Variants in RUNX1T1 observed in about 807,000 individuals in gnomAD.
RUNX1T1 encodes the protein RUNX1 partner transcriptional co-repressor 1.
RUNX1T1 carries 4 observed loss-of-function variants against 62.8 expected under a neutral mutation model. The observed-to-expected ratio is 0.06, with a 90% CI of 0.03 to 0.15. The LOEUF is 0.15. Among genes scored for constraint, RUNX1T1 ranks in the 10% least tolerant of loss-of-function variants. The pLI, the probability that RUNX1T1 is intolerant of heterozygous loss-of-function variation, is 1.00. For synonymous variants in RUNX1T1, 291 were observed against 286.0 expected (o/e 1.02, Z -0.18); for missense variants, 508 against 754.3 (o/e 0.67, Z 3.82).
intron 1 of RUNX1T1, among the ~76,000 whole-genome samples, chr8:92,092,772 A>C (rs1004433097): frequency 3.3e-5 from 5 of 152,242 alleles, no homozygotes; most frequent in African/African-American, 1.2e-4. Flanking sequence ...TTAATTGCAT[A>C]CTACCATTTA....
intron 1 of RUNX1T1, among the ~76,000 whole-genome samples, chr8:92,024,525 C>CAAAAAAAAA (rs1824776794): frequency 1.2e-5 from 1 of 86,800 alleles, no homozygotes; most frequent in Non-Finnish European, 2.4e-5. Flanking sequence ...AAAAAAAAAG[C>CAAAAAAAAA]AACCCTGGCA....
chr8:91,956,986 T>G (rs1338113472), downstream of RUNX1T1: 1 of 202,372 alleles, frequency 4.9e-6, no homozygotes, highest in Non-Finnish European at 1.0e-5. Flanking sequence ...AAAAAAAAAT[T>G]TAAGAAAAAA....
At chr8:92,014,864 G>A (rs765907336) in intron 2 of RUNX1T1, 44 bp from the exon 4 acceptor site, 6 of 1,526,114 alleles carry the variant, frequency 3.9e-6, no homozygotes, top group Admixed American at 2.2e-5. Flanking sequence ...AACTTACAGA[G>A]AACATGCATG....
chr8:92,028,201 T>G (rs1825615930), intron 1 of RUNX1T1, among the ~76,000 whole-genome samples: 1 of 151,838 alleles, frequency 6.6e-6, no homozygotes, highest in Admixed American at 6.6e-5. Flanking sequence ...TAATTCTTTT[T>G]TTTTTTTTTT....
At chr8:92,021,493 G>C (rs746897366) in intron 1 of RUNX1T1, among the ~76,000 whole-genome samples, 3 of 152,074 alleles carry the variant, frequency 2.0e-5, no homozygotes, top group Non-Finnish European at 2.9e-5. Context: ...GCCCGAGAAT[G>C]AAAGTCAAAC....
chr8:92,041,565 AC>A (rs1282868687), intron 1 of RUNX1T1, among the ~76,000 whole-genome samples: 2 of 151,928 alleles, frequency 1.3e-5, no homozygotes, highest in Non-Finnish European at 2.9e-5. Flanking sequence ...AAGTGGTGAA[AC>A]CCCATCCCTA....
downstream of RUNX1T1, chr8:91,957,494 G>A (rs1809558564): frequency 5.8e-6 from 1 of 172,068 alleles, no homozygotes; most frequent in Non-Finnish European, 9.8e-6. Context: ...AGAGCTCAGA[G>A]TTAGGGATTT....
chr8:92,064,353 A>G (rs894351442), upstream of RUNX1T1, among the ~76,000 whole-genome samples: 2 of 152,178 alleles, frequency 1.3e-5, no homozygotes, highest in African/African-American at 4.8e-5. Context: ...TGTCACTAAT[A>G]GTATACTGCA....
chr8:92,036,653 T>C (rs1181195577), intron 1 of RUNX1T1, among the ~76,000 whole-genome samples: 2 of 152,160 alleles, frequency 1.3e-5, no homozygotes, highest in East Asian at 3.9e-4. Context: ...AATAAACCAT[T>C]ACACAAATTC....
intron 5 of RUNX1T1, chr8:91,994,734 T>C: frequency 2.5e-6 from 1 of 399,828 alleles, no homozygotes; most frequent in Non-Finnish European, 5.0e-6. Flanking sequence ...ATTCTCAAGA[T>C]TTAAAGTGCC....
intron 1 of RUNX1T1, chr8:92,017,661 A>G: frequency 2.4e-6 from 3 of 1,261,106 alleles, no homozygotes; most frequent in Non-Finnish European, 3.0e-6. Context: ...CTGCACTGGA[A>G]GCTGAAGCCA....
chr8:92,029,297 C>T (rs1467586619), intron 1 of RUNX1T1, among the ~76,000 whole-genome samples: 1 of 151,994 alleles, frequency 6.6e-6, no homozygotes, highest in Admixed American at 6.6e-5. Flanking sequence ...TATCTGAGAG[C>T]ACAGTATGAA....
At chr8:91,967,894 G>T (rs1351896729) in intron 10 of RUNX1T1, among the ~76,000 whole-genome samples, 1 of 152,098 alleles carries the variant, frequency 6.6e-6, no homozygotes, top group African/African-American at 2.4e-5. Flanking sequence ...AAAGAATATT[G>T]TTTCAGTAGG....
intron 2 of RUNX1T1, among the ~76,000 whole-genome samples, chr8:92,074,544 G>A (rs985759744): frequency 2.6e-5 from 4 of 152,180 alleles, no homozygotes; most frequent in Middle Eastern, 3.2e-3. Flanking sequence ...GCTTAATGTG[G>A]AAGCCCAAAC....
intron 8 of RUNX1T1, among the ~76,000 whole-genome samples, chr8:91,976,734 C>G (rs900251343): frequency 6.6e-6 from 1 of 152,160 alleles, no homozygotes; most frequent in African/African-American, 2.4e-5. Context: ...GGAATTAACA[C>G]AAAACATTTT....
intron 1 of RUNX1T1, among the ~76,000 whole-genome samples, chr8:92,044,854 A>G (rs927016557): frequency 5.3e-5 from 8 of 152,178 alleles, no homozygotes; most frequent in Admixed American, 4.6e-4. Context: ...ATTACCCTCC[A>G]CCTGGAAACC....
intron 1 of RUNX1T1, among the ~76,000 whole-genome samples, chr8:92,034,557 A>T (rs999313156): frequency 6.6e-6 from 1 of 152,084 alleles, no homozygotes; most frequent in African/African-American, 2.4e-5. Context: ...TTTCCTTCTT[A>T]TATCAAAAAG....
intron 4 of RUNX1T1, chr8:92,006,394 T>C (rs918277411): frequency 6.6e-6 from 1 of 152,124 alleles, no homozygotes; most frequent in Non-Finnish European, 1.5e-5. Context: ...TCTTTGCAAC[T>C]TGAAGATTTC....
intron 8 of RUNX1T1, 35 bp downstream of exon 9, chr8:91,986,089 T>C (rs769581992): frequency 4.5e-6 from 6 of 1,342,594 alleles, no homozygotes; most frequent in Admixed American, 1.7e-5. Flanking sequence ...ATAAGAAATA[T>C]GTGTTTTCGA....
Sources: gnomAD v4.1 joint callset for allele counts (sites outside exome capture counted in the v4.1 genomes callset) on GRCh38, gnomAD v4.1.1 for gene constraint, MANE v1.5 for transcripts, NCBI Gene and HGNC (gene_info 2026-07-23, HGNC 2026-07-21) for gene names.